Variants in EXT2 observed in about 807,000 individuals in gnomAD.
EXT2 encodes exostosin-2.
Under a neutral mutation model 81.6 loss-of-function variants are expected in EXT2, and 53 were observed. That is an observed-to-expected ratio of 0.65 (90% CI 0.52 to 0.82). EXT2 has a LOEUF of 0.82. Among genes scored for constraint, EXT2 ranks in the 40% least tolerant of loss-of-function variants. The pLI is 0.00. For missense variants in EXT2, 774 were observed against 910.2 expected (o/e 0.85, Z 1.93); for synonymous variants, 320 against 340.0 (o/e 0.94, Z 0.65).
chr11:44,176,673 C>G (rs1239210227), intron 8 of EXT2, among the ~76,000 whole-genome samples: 1 of 152,114 alleles, frequency 6.6e-6, no homozygotes, highest in Non-Finnish European at 1.5e-5. Context: ...TTAACCTACT[C>G]TAGATGAGAT....
chr11:44,163,207 A>G (rs1396793007), intron 7 of EXT2, among the ~76,000 whole-genome samples: 1 of 152,190 alleles, frequency 6.6e-6, no homozygotes, highest in Non-Finnish European at 1.5e-5. Context: ...TCGAATTTTA[A>G]GTTAGTTGTC....
At position 44,126,826 on chromosome 11, in the gene EXT2, T is replaced by G. The variant is rs780146519; in HGVS notation, c.950T>G (p.Phe317Cys). The G allele has an allele frequency of 6.2e-7, 1 of 1,614,202 alleles. No individual in the cohort carries two copies. The highest frequency in any genetic ancestry group is 1.1e-5 in the South Asian group (1 of 91,086). ...DYPQVLQEAT[F>C]CVVLRGARLG... Reference sequence around the variant, plus strand: ...TTTGTGTTCCTGCAGGAGGCTACTTTCTGTGTGGTTCTTCGTGGAGCTCGG... The same window carrying G: ...TTTGTGTTCCTGCAGGAGGCTACTTGCTGTGTGGTTCTTCGTGGAGCTCGG... Residue 317 changes from phenylalanine to cysteine, a missense_variant, in exon 6 of 14, where the codon TTC becomes TGC. Physicochemically the swap from Phe to Cys is radical, Grantham distance 205. Around this residue, in one of 2 missense-constraint regions of EXT2, gnomAD observed 626 missense variants for 670.5 expected, o/e 0.93. Coordinates refer to ENST00000533608, the MANE Select transcript of EXT2 (RefSeq NM_207122.2).
intron 7 of EXT2, among the ~76,000 whole-genome samples, chr11:44,146,530 C>T (rs985838901): frequency 1.1e-4 from 16 of 152,142 alleles, no homozygotes; most frequent in Admixed American, 3.9e-4. Flanking sequence ...TGAAGAGGGG[C>T]GCTTTCACTA....
chr11:44,239,689 C>CTTT lies in EXT2; in HGVS notation c.2018+3338_2018+3340dup, dbSNP rs397849292. 2.9e-4 allele frequency among the ~76,000 whole-genome samples: 25 copies of CTTT among 85,336 alleles called. 1 individual carries two copies. Among genetic ancestry groups the CTTT allele is most frequent in the African/African-American group, 1.1e-3 (22 of 19,948 alleles). 56.0% of individuals were successfully genotyped at this position (85,336 alleles called of 152,430 possible). A position where few individuals can be genotyped will look rare whatever the true frequency, so the allele number is the denominator to read the frequency against. On this transcript the variant is annotated intron_variant, in intron 13 of 13. Transcript: ENST00000533608. ...TACAGGCATGAACCACCCTGCCTGG[C>CTTT]TTTTTTTTTTTTTTTTTTTTTTTTT...
At chr11:44,219,886 T>C (rs892342379) in intron 10 of EXT2, among the ~76,000 whole-genome samples, 1 of 152,272 alleles carries the variant, frequency 6.6e-6, no homozygotes, top group Non-Finnish European at 1.5e-5. Context: ...AATATACTTA[T>C]TGAAAGTATT....
At chr11:44,242,222 A>G (rs950132580) in intron 13 of EXT2, among the ~76,000 whole-genome samples, 4 of 152,206 alleles carry the variant, frequency 2.6e-5, no homozygotes, top group Non-Finnish European at 4.4e-5. Context: ...TAGAAATGAG[A>G]AGAATCTGGA....
intron 7 of EXT2, among the ~76,000 whole-genome samples, chr11:44,139,011 T>C (rs1271676596): frequency 6.6e-6 from 1 of 152,140 alleles, no homozygotes; most frequent in East Asian, 1.9e-4. Context: ...ACTACTGATG[T>C]ATTATGCATT....
At chr11:44,240,560 T>C (rs1956025196) in intron 13 of EXT2, among the ~76,000 whole-genome samples, 1 of 151,894 alleles carries the variant, frequency 6.6e-6, no homozygotes, top group Admixed American at 6.6e-5. Flanking sequence ...CATAGCAAAA[T>C]CCCTATCTGT....
intron 7 of EXT2, among the ~76,000 whole-genome samples, chr11:44,165,725 T>C (rs1954985858): frequency 6.6e-6 from 1 of 152,238 alleles, no homozygotes; most frequent in Admixed American, 6.5e-5. Context: ...TATATGATGA[T>C]AGACCCAGTT....
intron 8 of EXT2, among the ~76,000 whole-genome samples, chr11:44,192,641 G>A (rs570275156): frequency 3.9e-5 from 6 of 152,224 alleles, no homozygotes; most frequent in African/African-American, 1.4e-4. Flanking sequence ...TCTGCTAAAT[G>A]TTTATGTACA....
At chr11:44,193,613 G>A (rs897265224) in intron 8 of EXT2, among the ~76,000 whole-genome samples, 3 of 152,198 alleles carry the variant, frequency 2.0e-5, no homozygotes, top group African/African-American at 7.2e-5. Context: ...CAATTTTGAA[G>A]CCATTTGCAT....
At chr11:44,223,324 A>G (rs1427069408) in intron 10 of EXT2, among the ~76,000 whole-genome samples, 1 of 152,232 alleles carries the variant, frequency 6.6e-6, no homozygotes, top group African/African-American at 2.4e-5. Flanking sequence ...ATGAAAACCT[A>G]TATGTGAATG....
chr11:44,132,239 G>C (rs923909325), intron 7 of EXT2, among the ~76,000 whole-genome samples: 11 of 152,172 alleles, frequency 7.2e-5, no homozygotes, highest in African/African-American at 2.7e-4. Context: ...TTGGTTTTTG[G>C]AGTGGCGTCT....
At chr11:44,207,943 T>A (rs1336360187) in intron 10 of EXT2, among the ~76,000 whole-genome samples, 2 of 152,102 alleles carry the variant, frequency 1.3e-5, no homozygotes, top group African/African-American at 4.8e-5. Context: ...TTCATTTGAG[T>A]GTAAAAGAAA....
intron 10 of EXT2, among the ~76,000 whole-genome samples, chr11:44,207,294 A>G (rs1472647809): frequency 6.6e-6 from 1 of 152,242 alleles, no homozygotes; most frequent in Non-Finnish European, 1.5e-5. Context: ...TCAAGCAGCT[A>G]GGCGCTGCAA....
intron 10 of EXT2, among the ~76,000 whole-genome samples, chr11:44,208,407 T>A (rs1232528808): frequency 6.6e-6 from 1 of 152,216 alleles, no homozygotes; most frequent in Non-Finnish European, 1.5e-5. Flanking sequence ...TGTATTTCTA[T>A]GATTTCTTTC....
chr11:44,099,592 G>C (rs1223610795), intron 1 of EXT2, among the ~76,000 whole-genome samples: 3 of 152,202 alleles, frequency 2.0e-5, no homozygotes, highest in African/African-American at 7.2e-5. Flanking sequence ...AAAGTGCTGG[G>C]ATTACAGGTG....
At chr11:44,119,684 C>G (rs1451946621) in intron 4 of EXT2, among the ~76,000 whole-genome samples, 3 of 152,242 alleles carry the variant, frequency 2.0e-5, no homozygotes, top group South Asian at 2.1e-4. Context: ...TCTCCAAATC[C>G]AAGTCTCCAG....
At position 44,211,817 on chromosome 11, in the gene EXT2, C is replaced by G. The variant is rs117258188; in HGVS notation, c.1662+4858C>G. Among the ~76,000 whole-genome samples, 384 of 152,226 alleles carry G rather than the reference C, an allele frequency of 2.5e-3. 2 individuals are homozygous for G. Among genetic ancestry groups the G allele is most frequent in the Non-Finnish European group, 2.5e-3 (169 of 68,024 alleles). ...TAAGTATGCAAGGTGATGGATTAGT[C>G]TGATTTGCTCTTCTACAATGTAAAT... On this transcript the variant is annotated intron_variant, in intron 10 of 13. Transcript: ENST00000533608.
Sources: gnomAD v4.1 joint callset for allele counts (sites outside exome capture counted in the v4.1 genomes callset) on GRCh38, gnomAD v4.1.1 for gene constraint, gnomAD v4.1.1 regional missense constraint, MANE v1.5 for transcripts, NCBI Gene and HGNC (gene_info 2026-07-23, HGNC 2026-07-21) for gene names.